EPHA6: variants seen among roughly 807,000 people sequenced by gnomAD.
The protein encoded by EPHA6 is ephrin type-A receptor 6.
Under a neutral mutation model 112.0 loss-of-function variants are expected in EPHA6, and 50 were observed. The observed-to-expected ratio is 0.45, with a 90% confidence interval of 0.36 to 0.56. The LOEUF is 0.56. Among genes scored for constraint, EPHA6 ranks in the 20% least tolerant of loss-of-function variants. The probability of loss-of-function intolerance (pLI) is 0.00; values close to 1 mark genes in which losing one functional copy is unlikely to be tolerated. For missense variants in EPHA6, 1,280 were observed against 1,417.4 expected (o/e 0.90, Z 1.56); for synonymous variants, 529 against 490.7 (o/e 1.08, Z -1.03).
At chr3:96,854,034 C>T (rs1456740547) in intron 1 of EPHA6, among the ~76,000 whole-genome samples, 3 of 151,756 alleles carry the variant, frequency 2.0e-5, no homozygotes, top group Admixed American at 2.0e-4. Flanking sequence ...TTTGTGTTCT[C>T]TCAGTTATGT....
chr3:97,507,796 CT>C (rs35924528), intron 10 of EPHA6, among the ~76,000 whole-genome samples: 3 of 150,870 alleles, frequency 2.0e-5, no homozygotes, highest in Middle Eastern at 3.4e-3. Context: ...TGGTCCTGGG[CT>C]TTTTTTTTGA....
intron 2 of EPHA6, among the ~76,000 whole-genome samples, chr3:96,904,194 C>T (rs1252429377): frequency 6.6e-6 from 1 of 151,926 alleles, no homozygotes; most frequent in Non-Finnish European, 1.5e-5. Flanking sequence ...ATAGCAAAGA[C>T]TTGGAACCAA....
chr3:97,146,770 A>G (rs2076053153), intron 3 of EPHA6, among the ~76,000 whole-genome samples: 1 of 151,900 alleles, frequency 6.6e-6, no homozygotes, highest in African/African-American at 2.4e-5. Flanking sequence ...GATTATACTA[A>G]CAGCTTTCTA....
Position 97,748,584 on chromosome 3 carries a change from C to T in EPHA6, c.3279-3C>T. On this transcript the variant is annotated splice_region_variant and splice_polypyrimidine_tract_variant and intron_variant, in intron 17 of 17. Coordinates refer to ENST00000389672, the MANE Select transcript of EPHA6 (RefSeq NM_001080448.3). ...CTCACTCTTGCTCTCTCCTTTCTTT[C>T]AGTGACATTAGAAGAATTGGAGTCA... 3.3e-6 allele frequency: 5 copies of T among 1,524,034 alleles called. No homozygotes were observed. The highest frequency in any genetic ancestry group is 4.5e-6 in the Non-Finnish European group (5 of 1,099,704). 94.4% of individuals were successfully genotyped at this position (1,524,034 alleles called of 1,614,324 possible). A position where few individuals can be genotyped will look rare whatever the true frequency, so the allele number is the denominator to read the frequency against.
At chr3:97,198,615 T>C (rs1290272715) in intron 3 of EPHA6, among the ~76,000 whole-genome samples, 1 of 152,142 alleles carries the variant, frequency 6.6e-6, no homozygotes, top group Non-Finnish European at 1.5e-5. Flanking sequence ...CTTTAATTCT[T>C]GAGATTTTCA....
chr3:97,049,490 A>G (rs1018942504), intron 3 of EPHA6, among the ~76,000 whole-genome samples: 1 of 152,220 alleles, frequency 6.6e-6, no homozygotes, highest in African/African-American at 2.4e-5. Context: ...TTGTAAGTGC[A>G]GATAGCGCAG....
chr3:97,681,235 G>A (rs1458408276), intron 14 of EPHA6, among the ~76,000 whole-genome samples: 1 of 152,088 alleles, frequency 6.6e-6, no homozygotes, highest in Admixed American at 6.6e-5. Context: ...TCCAGAGCTG[G>A]CAGGGATAAA....
chr3:97,480,769 G>A (rs1486432471), intron 9 of EPHA6, among the ~76,000 whole-genome samples: 1 of 152,218 alleles, frequency 6.6e-6, no homozygotes, highest in Non-Finnish European at 1.5e-5. Flanking sequence ...CGGGGTGGCG[G>A]CCGGGCAGAG....
chr3:97,091,665 A>G (rs1317094854), intron 3 of EPHA6, among the ~76,000 whole-genome samples: 1 of 152,112 alleles, frequency 6.6e-6, no homozygotes, highest in Non-Finnish European at 1.5e-5. Flanking sequence ...GTTAAATAAT[A>G]TTTGTGGTGA....
chr3:97,466,361 C>G lies in EPHA6; in HGVS notation c.1895-8991C>G, dbSNP rs1457253501. ...ATATAAAGTCCTGCATCGCCCTGCC[C>G]CATATCAGCATTTACATCCAGTCTA... is the stretch of plus-strand genomic sequence containing the variant. On this transcript the variant is annotated intron_variant, in intron 7 of 17. Coordinates refer to ENST00000389672, the MANE Select transcript of EPHA6 (RefSeq NM_001080448.3). 6 of 1,607,762 alleles carry G rather than the reference C, an allele frequency of 3.7e-6. No individual in the cohort carries two copies. In the African/African-American group the frequency reaches 6.7e-5, roughly 18 times the overall value.
At chr3:97,352,406 A>G (rs1400278544) in intron 5 of EPHA6, among the ~76,000 whole-genome samples, 3 of 152,220 alleles carry the variant, frequency 2.0e-5, no homozygotes, top group Non-Finnish European at 4.4e-5. Flanking sequence ...AGGGTAGGAA[A>G]GACAGTCTTG....
intron 11 of EPHA6, among the ~76,000 whole-genome samples, chr3:97,570,513 C>T (rs1359975104): frequency 6.6e-6 from 1 of 152,098 alleles, no homozygotes; most frequent in Admixed American, 6.5e-5. Flanking sequence ...AGGTGGATCA[C>T]GAGGTCGGGA....
chr3:97,048,542 G>A (rs940427896), intron 3 of EPHA6, among the ~76,000 whole-genome samples: 2 of 152,180 alleles, frequency 1.3e-5, no homozygotes, highest in East Asian at 1.9e-4. Context: ...TATTAGATTA[G>A]TGAGAGACAT....
At chr3:97,299,551 C>G (rs1419417384) in intron 5 of EPHA6, among the ~76,000 whole-genome samples, 1 of 152,014 alleles carries the variant, frequency 6.6e-6, no homozygotes, top group Non-Finnish European at 1.5e-5. Context: ...AGATGAGTAT[C>G]TTTCTTATTG....
chr3:97,226,356 G>T lies in EPHA6; in HGVS notation c.1207G>T (p.Val403Phe). The T allele has an allele frequency of 6.2e-7, 1 of 1,613,722 alleles. No homozygotes were observed. The highest frequency in any genetic ancestry group is 2.2e-5 in the East Asian group (1 of 44,844). The change falls in exon 4 of 18, where the codon GTC becomes TTC. Residue 403 changes from valine (V) to phenylalanine (F), a missense_variant. Val to Phe is a conservative substitution (Grantham distance 50, BLOSUM62 -1). This residue lies in a region of EPHA6 where 878 missense variants were observed against 999.7 expected (regional missense o/e 0.88). Transcript: ENST00000389672. Reference protein sequence around the residue: ...HSLTYMEATSVCQCEKGYFRA... With the variant: ...HSLTYMEATSFCQCEKGYFRA... ...TTTAACATACATGGAAGCAACTTCTGTCTGTCAGTGTGAAAAGGGTTATTT... is the reference window on the plus strand; with the variant it reads ...TTTAACATACATGGAAGCAACTTCTTTCTGTCAGTGTGAAAAGGGTTATTT...
chr3:97,060,201 A>G (rs1290486403), intron 3 of EPHA6, among the ~76,000 whole-genome samples: 2 of 152,150 alleles, frequency 1.3e-5, no homozygotes, highest in Non-Finnish European at 2.9e-5. Flanking sequence ...ATTAAATCCA[A>G]TACTTTCTTT....
At chr3:97,205,853 A>G (rs1020378209) in intron 3 of EPHA6, among the ~76,000 whole-genome samples, 1 of 152,140 alleles carries the variant, frequency 6.6e-6, no homozygotes, top group African/African-American at 2.4e-5. Flanking sequence ...TAAACATGTT[A>G]CATAAATTGC....
At chr3:97,330,956 C>T (rs2108821111) in intron 5 of EPHA6, among the ~76,000 whole-genome samples, 1 of 152,222 alleles carries the variant, frequency 6.6e-6, no homozygotes, top group East Asian at 1.9e-4. Context: ...CTTTTCAGCA[C>T]CACACCACAC....
intron 3 of EPHA6, among the ~76,000 whole-genome samples, chr3:97,108,876 A>T (rs763950115): frequency 2.0e-5 from 3 of 152,182 alleles, no homozygotes; most frequent in Non-Finnish European, 4.4e-5. Flanking sequence ...GTTGCAGTCA[A>T]CATTTACCAT....
Sources: allele counts gnomAD v4.1 joint callset (sites outside exome capture counted in the v4.1 genomes callset), GRCh38; gene constraint gnomAD v4.1.1; regional missense constraint gnomAD v4.1.1; transcripts MANE v1.5; gene names NCBI Gene and HGNC (gene_info 2026-07-23, HGNC 2026-07-21).